The following PSD variants were observed in gnomAD, a reference collection of about 807,000 sequenced individuals.
PSD encodes pleckstrin and Sec7 domain containing.
PSD carries 32 observed loss-of-function variants against 91.6 expected under a neutral mutation model. That is an observed-to-expected ratio of 0.35 (90% CI 0.26 to 0.47). The LOEUF is 0.47. Among genes scored for constraint, PSD ranks in the 20% least tolerant of loss-of-function variants. The pLI is 1.00. For missense variants in PSD, 1,099 were observed against 1,373.9 expected (o/e 0.80, Z 3.16); for synonymous variants, 532 against 569.3 (o/e 0.93, Z 0.93).
rs778208175 is a variant in PSD, at chr10:102,415,145, G to C, written c.842C>G (p.Ala281Gly). 33 of 1,613,494 alleles carry C rather than the reference G, an allele frequency of 2.0e-5. No individual in the cohort carries two copies. The highest frequency in any genetic ancestry group is 2.7e-5 in the Non-Finnish European group (32 of 1,180,022). ...GTCCAGGTCTGTCTCGGAGTACTTG[G>C]CTGCTCGCCCCACAGCCACCCCAGA... ...QGSGVAVGRA[A>G]KYSETDLDTV... The change falls in exon 4 of 17, where the codon GCC (alanine) becomes GGC (glycine). Residue 281 changes from alanine to glycine, a missense_variant. Coordinates refer to ENST00000020673, the MANE Select transcript of PSD (RefSeq NM_002779.5).
intron 10 of PSD, 93 bp from the exon 11 acceptor site, chr10:102,407,359 G>C (rs2061374267): frequency 1.3e-6 from 1 of 791,062 alleles, no homozygotes. Context: ...AGATGAGCCA[G>C]AACTAAGGGG....
At position 102,412,450 on chromosome 10, in the gene PSD, C is replaced by T. The variant is rs778290487; in HGVS notation, c.1679G>A (p.Arg560His). Residue 560 changes from arginine to histidine, a missense_variant, in exon 6 of 17, where the codon CGC becomes CAC. Physicochemically the swap from Arg to His is conservative, Grantham distance 29. Coordinates refer to ENST00000020673, the MANE Select transcript of PSD (RefSeq NM_002779.5). ...GQKADLEAAQ[R>H]LAKRLYRLDG... ...TAGTCGGTACAGCCTCTTGGCCAGG[C>T]GCTGCGCAGCCTCCAGGTCCGCTTT... is the stretch of plus-strand genomic sequence containing the variant. 6 of 1,614,038 alleles carry T rather than the reference C, an allele frequency of 3.7e-6. No individual in the cohort carries two copies. The highest frequency in any genetic ancestry group is 5.1e-6 in the Non-Finnish European group (6 of 1,180,038).
rs1374242050 is a variant in PSD, at chr10:102,414,455, C to T, written c.1125-258G>A. ...CCCTTTCTCCTCCTTTTCCGTGATC[C>T]GCTTCCCTTCTGCCATCCCATTTCT... On this transcript the variant is annotated intron_variant, in intron 4 of 16. Transcript: ENST00000020673. The surrounding 1 kb of genome is among the most constrained non-coding windows in gnomAD (Gnocchi z 5.6). 1.3e-5 allele frequency among the ~76,000 whole-genome samples: 2 copies of T among 152,142 alleles called. No homozygotes were observed. The highest frequency in any genetic ancestry group is 2.9e-5 in the Non-Finnish European group (2 of 68,020).
At position 102,405,464 on chromosome 10, in the gene PSD, G is replaced by A. The variant is rs1213926930; in HGVS notation, c.2208C>T (p.Ser736=). The A allele has an allele frequency of 1.9e-6, 3 of 1,613,954 alleles. No homozygotes were observed. Among genetic ancestry groups the A allele is most frequent in the South Asian group, 2.2e-5 (2 of 91,078 alleles). Residue 736 remains serine, a synonymous_variant, in exon 12 of 17, where the codon AGC becomes AGT. Transcript: ENST00000020673. This position sits in a 1 kb window ranked among gnomAD's most constrained non-coding sequence, Gnocchi z 5.4. ...DPNPKVIKRI[S]GGSGSGSSPF... ...GGCTGGAGCCACTGCCACTGCCCCCGCTGATCCGCTTGATGACCTTGGGGT... is the reference window on the plus strand; with the variant it reads ...GGCTGGAGCCACTGCCACTGCCCCCACTGATCCGCTTGATGACCTTGGGGT...
rs1295338993 is a variant in PSD at position 102,408,862 on chromosome 10, A to G, written c.2092-1596T>C. ...AAGCCGCCCCCTCGGTCGCCCCGCA[A>G]CCTGGCGTGGGCCGCGGCCCCAACG... On this transcript the variant is annotated intron_variant, in intron 10 of 16. Coordinates refer to ENST00000020673, the MANE Select transcript of PSD (RefSeq NM_002779.5). 3 of 986,100 alleles carry G rather than the reference A, an allele frequency of 3.0e-6. No individual in the cohort carries two copies. In the African/African-American group the frequency reaches 5.2e-5, roughly 17 times the overall value. The allele number at this position is 986,100 out of a possible 1,614,324, so 61.1% of individuals were successfully genotyped here. A position where few individuals can be genotyped will look rare whatever the true frequency, so the allele number is the denominator to read the frequency against.
At chr10:102,406,499 T>G (rs1483259558) in intron 11 of PSD, among the ~76,000 whole-genome samples, 2 of 149,816 alleles carry the variant, frequency 1.3e-5, no homozygotes, top group Non-Finnish European at 3.0e-5. Context: ...GTCTCTGTGT[T>G]TCTTTTTTCT....
Position 102,405,516 on chromosome 10 carries a change from C to G in PSD, c.2156G>C (p.Arg719Pro), listed in dbSNP as rs371816245. 6.2e-7 allele frequency: 1 copy of G among 1,613,502 alleles called. No homozygotes were observed. Among genetic ancestry groups the G allele is most frequent in the Non-Finnish European group, 8.5e-7 (1 of 1,179,772 alleles). The change falls in exon 12 of 17, where the codon CGC (arginine) becomes CCC (proline). Residue 719 changes from arginine (R) to proline (P), a missense_variant. Physicochemically the swap from Arg to Pro is moderately radical, Grantham distance 103. This residue lies in a region of PSD where 358 missense variants were observed against 426.5 expected (regional missense o/e 0.84). Transcript: ENST00000020673. The surrounding 1 kb of genome is among the most constrained non-coding windows in gnomAD (Gnocchi z 5.4). ...GGGGTCGGCCAACTCAGACAGAGAG[C>G]GTCTCAGCTCCTCCTCGTCTCTGCA... is the stretch of plus-strand genomic sequence containing the variant. ...QWAIDEEELR[R>P]SLSELADPNP...
At chr10:102,415,952 A>C in intron 3 of PSD, 65 bp downstream of exon 3, 1 of 1,281,648 alleles carries the variant, frequency 7.8e-7, no homozygotes, top group Non-Finnish European at 1.1e-6. Context: ...AGGGCTCCCT[A>C]CTGAGCCTCA....
rs146551533 is a variant in PSD, at chr10:102,414,147, G to A, written c.1175C>T (p.Thr392Met). The A allele has an allele frequency of 7.7e-5, 124 of 1,613,900 alleles. 1 individual carries two copies. In the East Asian group the frequency reaches 2.0e-3, roughly 26 times the overall value. Reference protein sequence around the residue: ...LKSPVPFLPGTSPSADGPDSF... With the variant: ...LKSPVPFLPGMSPSADGPDSF... ...GTCAGGCCCATCAGCCGAGGGGCTC[G>A]TCCCAGGTAGAAAGGGCACAGGTGA... Residue 392 changes from threonine (T) to methionine (M), a missense_variant, in exon 5 of 17, where the codon ACG (threonine) becomes ATG (methionine). Transcript: ENST00000020673. This position sits in a 1 kb window ranked among gnomAD's most constrained non-coding sequence, Gnocchi z 5.6.
chr10:102,408,176 T>C (rs889912195), intron 10 of PSD, among the ~76,000 whole-genome samples: 1 of 152,204 alleles, frequency 6.6e-6, no homozygotes, highest in Non-Finnish European at 1.5e-5. Context: ...AGCATGTGCA[T>C]GTTGGGCTAA....
At position 102,404,603 on chromosome 10, in the gene PSD, C is replaced by T. The variant is rs374100138; in HGVS notation, c.2680G>A (p.Ala894Thr). The T allele has an allele frequency of 2.4e-5, 39 of 1,609,944 alleles. No homozygotes were observed. Among genetic ancestry groups the T allele is most frequent in the Non-Finnish European group, 1.0e-5 (12 of 1,177,976 alleles). Residue 894 changes from alanine (A) to threonine (T), a missense_variant, in exon 15 of 17, where the codon GCT becomes ACT. Ala to Thr is a moderately conservative substitution (Grantham distance 58). Coordinates refer to ENST00000020673, the MANE Select transcript of PSD (RefSeq NM_002779.5). This position sits in a 1 kb window ranked among gnomAD's most constrained non-coding sequence, Gnocchi z 5.7. ...KKFSRPLLPS[A>T]ATRLSQEEQV... ...GCTACCTGGGAGAGGCGGGTGGCAG[C>T]GCTGGGCAGGAGAGGGCGGCTGAAC...
chr10:102,411,767 C>G lies in PSD; in HGVS notation c.1882G>C (p.Val628Leu). 6.2e-7 allele frequency: 1 copy of G among 1,613,804 alleles called. No homozygotes were observed. The highest frequency in any genetic ancestry group is 1.1e-5 in the South Asian group (1 of 90,994). ...LMGETQERER[V>L]LAHFSQRYFQ... ...TATCGCTGGGAGAAGTGGGCCAGCA[C>G]GCGCTCTCGTTCCTGGGTCTCACCC... The change falls in exon 8 of 17, where the codon GTG (valine) becomes CTG (leucine). Residue 628 changes from valine to leucine, a missense_variant. Around this residue, in one of 3 missense-constraint regions of PSD, gnomAD observed 110 missense variants for 218.7 expected, o/e 0.50. Coordinates refer to ENST00000020673, the MANE Select transcript of PSD (RefSeq NM_002779.5).
At chr10:102,417,300 A>G (rs2061492435) in intron 1 of PSD, among the ~76,000 whole-genome samples, 179 bp from the exon 2 acceptor site, 1 of 152,036 alleles carries the variant, frequency 6.6e-6, no homozygotes, top group African/African-American at 2.4e-5. Flanking sequence ...CCTGACGAGA[A>G]AAGACTTATA....
Position 102,414,552 on chromosome 10 carries a change from C to T in PSD, c.1124+311G>A, listed in dbSNP as rs1486679606. ...GGGTGTGAGACGGAAAGGAATGTCC[C>T]CACACTCCCCACTCTCCCACCAGGA... On this transcript the variant is annotated intron_variant, in intron 4 of 16. Transcript: ENST00000020673. The surrounding 1 kb of genome is among the most constrained non-coding windows in gnomAD (Gnocchi z 5.6). 6.6e-6 allele frequency among the ~76,000 whole-genome samples: 1 copy of T among 152,152 alleles called. No individual in the cohort carries two copies. The highest frequency in any genetic ancestry group is 1.5e-5 in the Non-Finnish European group (1 of 68,004).
In PSD at chr10:102,403,510, C is replaced by T. The variant is rs1221500110; in HGVS notation, c.2845-80G>A. 2 of 1,359,646 alleles carry T rather than the reference C, an allele frequency of 1.5e-6. No individual in the cohort carries two copies. The highest frequency in any genetic ancestry group is 1.4e-5 in the African/African-American group (1 of 69,570). The allele number at this position is 1,359,646 out of a possible 1,614,324, so 84.2% of individuals were successfully genotyped here. On this transcript the variant is annotated intron_variant, in intron 16 of 16. Transcript: ENST00000020673. The surrounding 1 kb of genome is among the most constrained non-coding windows in gnomAD (Gnocchi z 6.7). ...CACCATCTGGACCAGGGAGGGCCGC[C>T]AGCAGGGCAGAAGATGGCAGGTGCC...
chr10:102,411,016 A>G, intron 9 of PSD, 42 bp downstream of exon 9: 1 of 1,613,278 alleles, frequency 6.2e-7, no homozygotes, highest in Non-Finnish European at 8.5e-7. Flanking sequence ...ATGTCTGGCC[A>G]GGGGTTTGTT....
In PSD at chr10:102,413,936, G is replaced by T. The variant is rs914342899; in HGVS notation, c.1386C>A (p.Ala462=). 2 of 1,613,928 alleles carry T rather than the reference G, an allele frequency of 1.2e-6. No individual in the cohort carries two copies. The highest frequency in any genetic ancestry group is 1.3e-5 in the African/African-American group (1 of 74,900). Residue 462 remains alanine (A), a synonymous_variant, in exon 5 of 17, where the codon GCC becomes GCA. Coordinates refer to ENST00000020673, the MANE Select transcript of PSD (RefSeq NM_002779.5). Reference sequence around the variant, plus strand: ...TGGTACCAGAATCCGGTTCAAGAGGGGCAAGTGGGGCGGGAGCTGGTGGGT... The same window carrying T: ...TGGTACCAGAATCCGGTTCAAGAGGTGCAAGTGGGGCGGGAGCTGGTGGGT... The part of the protein sequence containing the change: ...RPDPPAPAPL[A]PLEPDSGTSS...
chr10:102,415,281 G>A (rs775736844), intron 3 of PSD, 52 bp from the exon 4 acceptor site: 4 of 1,527,722 alleles, frequency 2.6e-6, no homozygotes, highest in Non-Finnish European at 3.5e-6. Context: ...TCAGCTCCCT[G>A]TCCTAATTCT....
At chr10:102,406,513 T>C (rs995945320) in intron 11 of PSD, among the ~76,000 whole-genome samples, 3 of 150,656 alleles carry the variant, frequency 2.0e-5, no homozygotes, top group South Asian at 2.1e-4. Context: ...TTTTTCTTTT[T>C]TTTTTTTTTT....
Sources: gnomAD v4.1 joint callset for allele counts (sites outside exome capture counted in the v4.1 genomes callset) on GRCh38, gnomAD v4.1.1 for gene constraint, gnomAD v4.1.1 regional missense constraint, Gnocchi (gnomAD v3.1) non-coding constraint, MANE v1.5 for transcripts, NCBI Gene and HGNC (gene_info 2026-07-23, HGNC 2026-07-21) for gene names.